The following R3HDM4 variants were observed in gnomAD, a reference collection of about 807,000 sequenced individuals.
The protein encoded by R3HDM4 is R3H domain containing 4, also known as R3H domain-containing protein 4.
R3HDM4 carries 30 observed loss-of-function variants against 31.3 expected under a neutral mutation model. That is an observed-to-expected ratio of 0.96 (90% CI 0.72 to 1.30). R3HDM4 has a LOEUF of 1.30. R3HDM4 is among the 50% of genes most tolerant of loss of function. The pLI is 0.00. For missense variants in R3HDM4, 444 were observed against 366.1 expected (o/e 1.21, Z -1.74); for synonymous variants, 196 against 156.6 (o/e 1.25, Z -1.88).
At position 899,719 on chromosome 19, in the gene R3HDM4, C is replaced by T. The variant is rs536352271; in HGVS notation, c.562-33G>A. 2.3e-4 allele frequency: 343 copies of T among 1,505,664 alleles called. No homozygotes were observed. Among genetic ancestry groups the T allele is most frequent in the Non-Finnish European group, 2.9e-4 (328 of 1,123,558 alleles). The allele number at this position is 1,505,664 out of a possible 1,614,324, so 93.3% of individuals were successfully genotyped here. A position where few individuals can be genotyped will look rare whatever the true frequency, so the allele number is the denominator to read the frequency against. On this transcript the variant is annotated intron_variant, in intron 5 of 7. Coordinates refer to ENST00000361574, the MANE Select transcript of R3HDM4 (RefSeq NM_138774.4). This position sits in a 1 kb window ranked among gnomAD's most constrained non-coding sequence, Gnocchi z 6.8. Reference sequence around the variant, plus strand: ...GAGCGGCCCGGTGGTCAGGGAACTGCGGGACCTGTGGGTGGGGGGCCAGGG... The same window carrying T: ...GAGCGGCCCGGTGGTCAGGGAACTGTGGGACCTGTGGGTGGGGGGCCAGGG...
At chr19:902,182 C>A (rs778526728) in intron 1 of R3HDM4, 52 bp from the exon 2 acceptor site, 2 of 1,596,664 alleles carry the variant, frequency 1.3e-6, no homozygotes, top group East Asian at 2.2e-5. Context: ...CCAGGATCTC[C>A]GAGAAGGGCC....
intron 1 of R3HDM4, among the ~76,000 whole-genome samples, chr19:908,575 A>G (rs1488207757): frequency 1.3e-5 from 2 of 152,104 alleles, no homozygotes; most frequent in African/African-American, 2.4e-5. Context: ...ACAACACTGC[A>G]CTCCAGGCTG....
chr19:902,174 A>G (rs748924031), intron 1 of R3HDM4, 44 bp from the exon 2 acceptor site: 2 of 1,602,872 alleles, frequency 1.2e-6, no homozygotes, highest in African/African-American at 1.3e-5. Flanking sequence ...AAGGCCGGCC[A>G]GGATCTCCGA....
chr19:897,793 G>C (rs975412406), intron 7 of R3HDM4, among the ~76,000 whole-genome samples: 1 of 152,226 alleles, frequency 6.6e-6, no homozygotes, highest in Admixed American at 6.5e-5. Context: ...TCCACTGTGC[G>C]GATGGGGACC....
intron 3 of R3HDM4, 195 bp from the exon 4 acceptor site, chr19:901,147 G>T: frequency 1.4e-6 from 1 of 731,604 alleles, no homozygotes; most frequent in Non-Finnish European, 2.2e-6. Context: ...GGGCCCAGCT[G>T]TCTCGGGGTG....
At chr19:911,736 G>A (rs1300761028) in intron 1 of R3HDM4, among the ~76,000 whole-genome samples, 2 of 152,110 alleles carry the variant, frequency 1.3e-5, no homozygotes, top group Non-Finnish European at 2.9e-5. Context: ...GGGTCCCCGG[G>A]TCCCTGTGCG....
intron 3 of R3HDM4, 33 bp downstream of exon 3, chr19:901,389 G>C (rs758789463): frequency 6.3e-7 from 1 of 1,591,142 alleles, no homozygotes; most frequent in Non-Finnish European, 8.5e-7. Context: ...CGGGGTCCCC[G>C]TGTGGAGGGA....
chr19:897,689 G>A (rs764368472), intron 7 of R3HDM4, 149 bp from the exon 8 acceptor site: 276 of 633,716 alleles, frequency 4.4e-4, no homozygotes, highest in Non-Finnish European at 6.8e-4. Flanking sequence ...CTGGCCCTAA[G>A]CCCGCAGGTC....
At position 899,930 on chromosome 19, in the gene R3HDM4, G is replaced by T; in HGVS notation, c.561+131C>A. ...CCCCGCCCTCCTACTCAGGGCCCTG[G>T]TGCCGCTGTCTGTATCCTGCCCTGT... On this transcript the variant is annotated intron_variant, in intron 5 of 7. Coordinates refer to ENST00000361574, the MANE Select transcript of R3HDM4 (RefSeq NM_138774.4). This position sits in a 1 kb window ranked among gnomAD's most constrained non-coding sequence, Gnocchi z 6.8. 1 of 995,882 alleles carries T rather than the reference G, an allele frequency of 1.0e-6. No individual in the cohort carries two copies. Among genetic ancestry groups the T allele is most frequent in the Non-Finnish European group, 1.5e-6 (1 of 652,364 alleles). 61.7% of individuals were successfully genotyped at this position (995,882 alleles called of 1,614,324 possible). A position where few individuals can be genotyped will look rare whatever the true frequency, so the allele number is the denominator to read the frequency against.
In R3HDM4 at chr19:901,965, C is replaced by A. The variant is rs370561030; in HGVS notation, c.226+11G>T. ...GGAGCCCCCAGGAGGCGCCTCCCGA[C>A]CCCTGCTCACTGTTCTCCAGGCGCT... On this transcript the variant is annotated intron_variant, in intron 2 of 7. Transcript: ENST00000361574. The A allele has an allele frequency of 2.0e-5, 32 of 1,613,226 alleles. No individual in the cohort carries two copies. The highest frequency in any genetic ancestry group is 2.4e-5 in the Non-Finnish European group (28 of 1,179,992).
At position 901,477 on chromosome 19, in the gene R3HDM4, G is replaced by C. The variant is rs1407090887; in HGVS notation, c.296C>G (p.Pro99Arg). The C allele has an allele frequency of 5.0e-6, 8 of 1,609,470 alleles. No homozygotes were observed. The highest frequency in any genetic ancestry group is 6.8e-6 in the Non-Finnish European group (8 of 1,179,726). ...GGCAAAGATGCCTGGTGATGCAGGG[G>C]GTGCCAAGTCCCCATCCTCCAGGCC... Reference protein sequence around the residue: ...LPGLEDGDLAPPASPGIFAEA... With the variant: ...LPGLEDGDLARPASPGIFAEA... Residue 99 changes from proline to arginine, a missense_variant, in exon 3 of 8, where the codon CCC becomes CGC. Physicochemically the swap from Pro to Arg is moderately radical, Grantham distance 103. Transcript: ENST00000361574.
In R3HDM4 at chr19:897,163, T is replaced by C; in HGVS notation, c.*274A>G. The C allele has an allele frequency of 2.6e-6, 1 of 386,504 alleles. No individual in the cohort carries two copies. The highest frequency in any genetic ancestry group is 4.3e-5 in the Admixed American group (1 of 23,202). The allele number at this position is 386,504 out of a possible 1,614,324, so 23.9% of individuals were successfully genotyped here. On this transcript the variant is annotated 3_prime_UTR_variant, in exon 8 of 8. Transcript: ENST00000361574. ...AGACCGGGCCAGAAAAGCTCAACGA[T>C]GAAGAAACAGGAACATGCCCAGGTC...
chr19:901,840 C>T, intron 2 of R3HDM4, 136 bp downstream of exon 2: 1 of 1,152,192 alleles, frequency 8.7e-7, no homozygotes, highest in Non-Finnish European at 1.2e-6. Flanking sequence ...GGTCCCCCGG[C>T]CTACAGCTGA....
Position 901,539 on chromosome 19 carries a change from G to A in R3HDM4, c.234C>T (p.Tyr78=), listed in dbSNP as rs2036837544. 2 of 1,605,092 alleles carry A rather than the reference G, an allele frequency of 1.2e-6. No homozygotes were observed. Among genetic ancestry groups the A allele is most frequent in the African/African-American group, 1.3e-5 (1 of 74,876 alleles). The stretch of plus-strand genomic sequence containing the variant: ...CGTCTGTCTCCAGCAGGGTCAGGAG[G>A]TACTGGGCTAGGTGGAAACAGATGC... ...KSLQRLENTQ[Y]LLTLLETDGG... The change falls in exon 3 of 8, where the codon TAC becomes TAT. Residue 78 remains tyrosine (Y), a synonymous_variant. Transcript: ENST00000361574.
intron 1 of R3HDM4, among the ~76,000 whole-genome samples, chr19:911,277 C>G (rs1322761316): frequency 1.3e-5 from 2 of 152,054 alleles, no homozygotes; most frequent in African/African-American, 4.8e-5. Flanking sequence ...AACCCCATCT[C>G]TACTAAAAAT....
At chr19:910,657 C>T (rs74372859) in intron 1 of R3HDM4, among the ~76,000 whole-genome samples, 15,189 of 152,058 alleles carry the variant, frequency 0.1, 946 homozygotes, top group East Asian at 0.19. Flanking sequence ...CCAGCCTGGC[C>T]AATAGACCGA....
intron 1 of R3HDM4, chr19:902,472 C>CA (rs140413228): frequency 0.021 from 3,921 of 186,146 alleles, 157 homozygotes; most frequent in African/African-American, 0.086. Context: ...TTTGTCTCTA[C>CA]AAAAAAAAAT....
At chr19:901,241 C>T in intron 3 of R3HDM4, 181 bp downstream of exon 3, 1 of 716,462 alleles carries the variant, frequency 1.4e-6, no homozygotes, top group African/African-American at 1.8e-5. Context: ...CTCGAAGGTT[C>T]CAGGGGTGGG....
In R3HDM4 at chr19:912,777, G is replaced by A. The variant is rs144316252; in HGVS notation, c.71+310C>T. On this transcript the variant is annotated intron_variant, in intron 1 of 7. Transcript: ENST00000361574. ...ACCGGGGATTAGGGGGCGGACCGGGGAGTAGGGGGCGGAACAGGTAAATGG... is the reference window on the plus strand; with the variant it reads ...ACCGGGGATTAGGGGGCGGACCGGGAAGTAGGGGGCGGAACAGGTAAATGG... 2.1e-3 allele frequency among the ~76,000 whole-genome samples: 305 copies of A among 147,584 alleles called. 7 individuals carry two copies. The East Asian group carries it at 0.049, about 24-fold the overall frequency.
Sources: allele counts gnomAD v4.1 joint callset (sites outside exome capture counted in the v4.1 genomes callset), GRCh38; gene constraint gnomAD v4.1.1; non-coding constraint Gnocchi (gnomAD v3.1); transcripts MANE v1.5; gene names NCBI Gene and HGNC (gene_info 2026-07-23, HGNC 2026-07-21).